The following RXFP2 variants were observed in gnomAD, a reference collection of about 807,000 sequenced individuals.
RXFP2 encodes relaxin receptor 2.
In RXFP2, 68 loss-of-function variants were observed where a neutral mutation model predicts 88.6. The observed-to-expected ratio is 0.77, with a 90% confidence interval of 0.63 to 0.94. The LOEUF is 0.94. Among genes scored for constraint, RXFP2 ranks in the 40% least tolerant of loss-of-function variants. The pLI is 0.00. For missense variants in RXFP2, 791 were observed against 893.9 expected (o/e 0.88, Z 1.47); for synonymous variants, 329 against 306.8 (o/e 1.07, Z -0.76).
intron 1 of RXFP2, among the ~76,000 whole-genome samples, chr13:31,745,473 C>T (rs534532043): frequency 1.1e-4 from 16 of 152,270 alleles, no homozygotes; most frequent in African/African-American, 2.6e-4. Flanking sequence ...AGAGTTATTC[C>T]ATACCCCATG....
At chr13:31,801,717 T>A (rs1874355141) in intron 17 of RXFP2, among the ~76,000 whole-genome samples, 1 of 152,182 alleles carries the variant, frequency 6.6e-6, no homozygotes, top group South Asian at 2.1e-4. Flanking sequence ...GGCAATAAGC[T>A]TTGAGAACTG....
chr13:31,781,095 A>G (rs1175602459), intron 9 of RXFP2, among the ~76,000 whole-genome samples: 1 of 152,182 alleles, frequency 6.6e-6, no homozygotes, highest in African/African-American at 2.4e-5. Flanking sequence ...TTGGCCTGAG[A>G]TTCTCCTTCA....
At chr13:31,776,186 CTT>C (rs1160226086) in intron 7 of RXFP2, among the ~76,000 whole-genome samples, 12 of 143,798 alleles carry the variant, frequency 8.3e-5, no homozygotes, top group Admixed American at 4.3e-4. Flanking sequence ...CTCTTTCTCT[CTT>C]TCTTTCTTTT....
At chr13:31,773,744 A>G (rs2138427721) in intron 5 of RXFP2, among the ~76,000 whole-genome samples, 1 of 152,350 alleles carries the variant, frequency 6.6e-6, no homozygotes, top group East Asian at 1.9e-4. Context: ...CCAGACGTCA[A>G]ATGAGCATGT....
chr13:31,791,747 GC>G, intron 14 of RXFP2, 58 bp from the exon 15 acceptor site: 2 of 1,184,320 alleles, frequency 1.7e-6, no homozygotes, highest in Non-Finnish European at 2.5e-6. Context: ...CGATAGGACT[GC>G]AACTGTAGGT....
intron 1 of RXFP2, among the ~76,000 whole-genome samples, chr13:31,753,244 T>A (rs556370947): frequency 1.3e-5 from 2 of 152,302 alleles, no homozygotes; most frequent in South Asian, 4.1e-4. Context: ...GAAAGATGAT[T>A]CTCACCTGTT....
chr13:31,758,451 C>A (rs749669105), intron 2 of RXFP2, 47 bp downstream of exon 2: 1 of 1,604,384 alleles, frequency 6.2e-7, no homozygotes, highest in Non-Finnish European at 8.5e-7. Context: ...TTTATGAACA[C>A]CCCAAAACTG....
At chr13:31,776,085 C>CTTCT (rs1593461110) in intron 7 of RXFP2, among the ~76,000 whole-genome samples, 2 of 41,086 alleles carry the variant, frequency 4.9e-5, no homozygotes, top group African/African-American at 7.2e-5. Context: ...TCTTTCCTTC[C>CTTCT]TTCTTTCTTT....
chr13:31,758,312 T>C lies in RXFP2; in HGVS notation c.149T>C (p.Phe50Ser). The C allele has an allele frequency of 6.2e-7, 1 of 1,614,114 alleles. No individual in the cohort carries two copies. The highest frequency in any genetic ancestry group is 8.5e-7 in the Non-Finnish European group (1 of 1,179,996). The change falls in exon 2 of 18, where the codon TTT becomes TCT. Residue 50 changes from phenylalanine (F) to serine (S), a missense_variant. Coordinates refer to ENST00000298386, the MANE Select transcript of RXFP2 (RefSeq NM_130806.5). The part of the protein sequence containing the change: ...MITPSCQKGY[F>S]PCGNLTKCLP... ...ACTCCTTCATGCCAAAAAGGATATTTTCCCTGTGGGAATCTTACCAAGTGC... is the reference window on the plus strand; with the variant it reads ...ACTCCTTCATGCCAAAAAGGATATTCTCCCTGTGGGAATCTTACCAAGTGC...
At chr13:31,789,791 G>A (rs1012786585) in intron 14 of RXFP2, among the ~76,000 whole-genome samples, 3 of 152,164 alleles carry the variant, frequency 2.0e-5, no homozygotes, top group Non-Finnish European at 4.4e-5. Context: ...CAAAAATAGG[G>A]AGAATTCAAT....
At chr13:31,744,832 A>G (rs1471660187) in intron 1 of RXFP2, among the ~76,000 whole-genome samples, 6 of 151,694 alleles carry the variant, frequency 4.0e-5, no homozygotes, top group Non-Finnish European at 7.4e-5. Context: ...TCCTTCCATT[A>G]GTTCTTTGAG....
chr13:31,763,350 G>A (rs917414446), intron 3 of RXFP2, among the ~76,000 whole-genome samples: 1 of 152,216 alleles, frequency 6.6e-6, no homozygotes, highest in East Asian at 1.9e-4. Context: ...CCCCCAAAGT[G>A]TTGGGATTAC....
intron 2 of RXFP2, among the ~76,000 whole-genome samples, chr13:31,759,426 A>AAGGAAGG (rs1872181753): frequency 6.7e-6 from 1 of 149,020 alleles, no homozygotes; most frequent in Admixed American, 6.7e-5. Context: ...AGAAAGAAAG[A>AAGGAAGG]AAGAAAGAAA....
intron 1 of RXFP2, among the ~76,000 whole-genome samples, chr13:31,749,801 T>C (rs1871584206): frequency 6.6e-6 from 1 of 152,238 alleles, no homozygotes; most frequent in South Asian, 2.1e-4. Context: ...AGTCATATTA[T>C]TTATGAATAA....
At position 31,789,252 on chromosome 13, in the gene RXFP2, G is replaced by A; in HGVS notation, c.1145+59G>A. 4 of 1,055,824 alleles carry A rather than the reference G, an allele frequency of 3.8e-6. 1 individual carries two copies. The South Asian group carries it at 5.0e-5, about 13-fold the overall frequency. The allele number at this position is 1,055,824 out of a possible 1,614,324, so 65.4% of individuals were successfully genotyped here. On this transcript the variant is annotated intron_variant, in intron 14 of 17. Coordinates refer to ENST00000298386, the MANE Select transcript of RXFP2 (RefSeq NM_130806.5). ...GGTAAAATGCTTCAAATTATCTCCTGTAAACTGTCTAATGTATCACTGCAA... is the reference window on the plus strand; with the variant it reads ...GGTAAAATGCTTCAAATTATCTCCTATAAACTGTCTAATGTATCACTGCAA...
chr13:31,802,483 C>T lies in RXFP2; in HGVS notation c.*78C>T. 6.9e-7 allele frequency: 1 copy of T among 1,452,718 alleles called. No homozygotes were observed. The highest frequency in any genetic ancestry group is 9.6e-7 in the Non-Finnish European group (1 of 1,041,942). The allele number at this position is 1,452,718 out of a possible 1,614,324, so 90.0% of individuals were successfully genotyped here. On this transcript the variant is annotated 3_prime_UTR_variant, in exon 18 of 18. Transcript: ENST00000298386. Reference sequence around the variant, plus strand: ...CTTTTGGAAGATGACATCTGCAATGCTTTTCATCTTTACCAACGGCAAGCC... The same window carrying T: ...CTTTTGGAAGATGACATCTGCAATGTTTTTCATCTTTACCAACGGCAAGCC...
chr13:31,789,215 A>T, intron 14 of RXFP2, 22 bp downstream of exon 14: 2 of 1,464,014 alleles, frequency 1.4e-6, no homozygotes, highest in Non-Finnish European at 1.9e-6. Flanking sequence ...TAAAAAATGG[A>T]GGAGGAAGCA....
Position 31,778,568 on chromosome 13 carries a change from C to T in RXFP2, c.770C>T (p.Pro257Leu). 6.2e-7 allele frequency: 1 copy of T among 1,608,380 alleles called. No homozygotes were observed. The highest frequency in any genetic ancestry group is 8.5e-7 in the Non-Finnish European group (1 of 1,174,912). ...CCCAAGCAGATGTGTGCCCAAATGC[C>T]TCAACTCAACTGGGTGTGAGTATTT... ...ALPKQMCAQM[P>L]QLNWVDLEGN... The change falls in exon 9 of 18, where the codon CCT becomes CTT. Residue 257 changes from proline (P) to leucine (L), a missense_variant. Pro to Leu is a moderately conservative substitution (Grantham distance 98). Coordinates refer to ENST00000298386, the MANE Select transcript of RXFP2 (RefSeq NM_130806.5).
In RXFP2 at chr13:31,786,612, G is replaced by A; in HGVS notation, c.1048G>A (p.Glu350Lys). 6.2e-7 allele frequency: 1 copy of A among 1,600,628 alleles called. No individual in the cohort carries two copies. The highest frequency in any genetic ancestry group is 8.6e-7 in the Non-Finnish European group (1 of 1,169,022). Reference sequence around the variant, plus strand: ...TATGTATCTTCACAAGAACCAGTTTGAAAGTCTTAAACAACTTCAGTCTCT... The same window carrying A: ...TATGTATCTTCACAAGAACCAGTTTAAAAGTCTTAAACAACTTCAGTCTCT... ...PLMYLHKNQF[E>K]SLKQLQSLDL... Residue 350 changes from glutamate to lysine, a missense_variant, in exon 13 of 18, where the codon GAA (glutamate) becomes AAA (lysine). By Grantham distance (56) the Glu-to-Lys change is moderately conservative. Coordinates refer to ENST00000298386, the MANE Select transcript of RXFP2 (RefSeq NM_130806.5).
Sources: gnomAD v4.1 joint callset for allele counts (sites outside exome capture counted in the v4.1 genomes callset) on GRCh38, gnomAD v4.1.1 for gene constraint, MANE v1.5 for transcripts, NCBI Gene and HGNC (gene_info 2026-07-23, HGNC 2026-07-21) for gene names.